The following MAPK8 variants were observed in gnomAD, a reference collection of about 807,000 sequenced individuals.
MAPK8 encodes JUN N-terminal kinase.
In MAPK8, 13 loss-of-function variants were observed where a neutral mutation model predicts 52.9. The ratio of observed to expected loss-of-function variants is 0.25; its 90% CI spans 0.16 to 0.39. MAPK8 has a LOEUF of 0.39. Ranked by LOEUF, MAPK8 falls within the 10% of genes least tolerant of loss-of-function variation. MAPK8 has a pLI of 1.00. For missense variants in MAPK8, 300 were observed against 519.2 expected (o/e 0.58, Z 4.10); for synonymous variants, 191 against 169.8 (o/e 1.12, Z -0.97).
intron 1 of MAPK8, among the ~76,000 whole-genome samples, chr10:48,382,558 C>G (rs1342585218): frequency 6.6e-6 from 1 of 151,780 alleles, no homozygotes; most frequent in Non-Finnish European, 1.5e-5. Flanking sequence ...ATAAATAGAA[C>G]AAGTTCAAGT....
chr10:48,342,619 C>A (rs976003826), intron 1 of MAPK8, among the ~76,000 whole-genome samples: 2 of 152,106 alleles, frequency 1.3e-5, no homozygotes, highest in African/African-American at 4.8e-5. Flanking sequence ...GAAATGTAGT[C>A]GTGTGAATGG....
chr10:48,325,482 T>C (rs985104165), intron 1 of MAPK8, among the ~76,000 whole-genome samples: 2 of 152,244 alleles, frequency 1.3e-5, no homozygotes, highest in Non-Finnish European at 2.9e-5. Flanking sequence ...TTTGTTTTTT[T>C]CAGAAGTTTT....
At chr10:48,416,491 T>C (rs2043071269) in intron 5 of MAPK8, among the ~76,000 whole-genome samples, 2 of 152,188 alleles carry the variant, frequency 1.3e-5, no homozygotes, top group Admixed American at 6.5e-5. Context: ...TTCCACACCT[T>C]CTTAAGGGAA....
Position 48,438,900 on chromosome 10 carries a change from A to G in MAPK8, c.*3871A>G, listed in dbSNP as rs2045073933. On this transcript the variant is annotated 3_prime_UTR_variant, in exon 12 of 12. Coordinates refer to ENST00000374189, the MANE Select transcript of MAPK8 (RefSeq NM_001323329.2). ...CCATTTACATTTTACAAAAGGAGTA[A>G]ATCTTAGTAAAAATTTTACGAAGAA... is the stretch of plus-strand genomic sequence containing the variant. 6.6e-6 allele frequency: 1 copy of G among 152,220 alleles called. No homozygotes were observed. Among genetic ancestry groups the G allele is most frequent in the African/African-American group, 2.4e-5 (1 of 41,458 alleles). The allele number at this position is 152,220 out of a possible 1,614,324, so 9.4% of individuals were successfully genotyped here.
intron 1 of MAPK8, among the ~76,000 whole-genome samples, chr10:48,377,265 G>A (rs1209621321): frequency 7.9e-5 from 12 of 152,038 alleles, no homozygotes; most frequent in African/African-American, 2.9e-4. Context: ...TGTAGATGAC[G>A]TGTTGATGGG....
At chr10:48,426,204 A>G (rs1476420814) in intron 8 of MAPK8, 134 bp downstream of exon 8, 7 of 972,504 alleles carry the variant, frequency 7.2e-6, no homozygotes, top group Non-Finnish European at 1.0e-5. Flanking sequence ...GGGGAAAAAA[A>G]TGAGGTTTTT....
chr10:48,350,725 C>G (rs1416708245), intron 1 of MAPK8, among the ~76,000 whole-genome samples: 4 of 152,204 alleles, frequency 2.6e-5, no homozygotes, highest in Non-Finnish European at 5.9e-5. Flanking sequence ...GATGTCCTCT[C>G]TCACTACTCC....
chr10:48,420,338 T>C lies in MAPK8; in HGVS notation c.616+18T>C. The C allele has an allele frequency of 1.3e-6, 2 of 1,544,222 alleles. No homozygotes were observed. The highest frequency in any genetic ancestry group is 1.8e-6 in the Non-Finnish European group (2 of 1,141,532). ...GGAAAACGGTCAGCACACACATTTA[T>C]TTGAAATATTTTTCTGATTTAGCTT... On this transcript the variant is annotated intron_variant, in intron 6 of 11. Coordinates refer to ENST00000374189, the MANE Select transcript of MAPK8 (RefSeq NM_001323329.2).
At position 48,404,991 on chromosome 10, in the gene MAPK8, C is replaced by T. The variant is rs763551769; in HGVS notation, c.252+10C>T. 3 of 1,589,310 alleles carry T rather than the reference C, an allele frequency of 1.9e-6. No homozygotes were observed. The South Asian group carries it at 3.5e-5, about 18-fold the overall frequency. On this transcript the variant is annotated intron_variant, in intron 3 of 11. Transcript: ENST00000374189. ...TGTTAATCACAAAAATGTAAGTGAACATTTTTGGTTTCCTAAGTATAGATG... is the reference window on the plus strand; with the variant it reads ...TGTTAATCACAAAAATGTAAGTGAATATTTTTGGTTTCCTAAGTATAGATG...
chr10:48,380,002 G>A (rs1042731768), intron 1 of MAPK8, among the ~76,000 whole-genome samples: 1 of 149,120 alleles, frequency 6.7e-6, no homozygotes. Flanking sequence ...CCAGCACTTT[G>A]GGAGGCTGAG....
chr10:48,427,076 T>G lies in MAPK8; in HGVS notation c.997-4T>G. The G allele has an allele frequency of 6.2e-7, 1 of 1,612,494 alleles. No individual in the cohort carries two copies. The highest frequency in any genetic ancestry group is 8.5e-7 in the Non-Finnish European group (1 of 1,178,838). ...CTTGGTTATTATTGCCTTGTGTTTTTCAGCCACCACCAAAGATCCCTGACA... is the reference window on the plus strand; with the variant it reads ...CTTGGTTATTATTGCCTTGTGTTTTGCAGCCACCACCAAAGATCCCTGACA... On this transcript the variant is annotated splice_region_variant and splice_polypyrimidine_tract_variant and intron_variant, in intron 9 of 11. Transcript: ENST00000374189.
intron 3 of MAPK8, among the ~76,000 whole-genome samples, chr10:48,408,648 GTCTT>G (rs1173324594): frequency 6.6e-6 from 1 of 152,118 alleles, no homozygotes. Context: ...ATATGATCAG[GTCTT>G]TCTTTTACCA....
At chr10:48,307,704 T>A (rs753135655) in intron 1 of MAPK8, among the ~76,000 whole-genome samples, 2 of 152,246 alleles carry the variant, frequency 1.3e-5, no homozygotes, top group Non-Finnish European at 2.9e-5. Flanking sequence ...TTTTTACCTC[T>A]GAAATCCAGC....
At chr10:48,377,039 A>T (rs1369028474) in intron 1 of MAPK8, among the ~76,000 whole-genome samples, 1 of 152,196 alleles carries the variant, frequency 6.6e-6, no homozygotes, top group Non-Finnish European at 1.5e-5. Flanking sequence ...CCACAGCCAT[A>T]AAAAGGATGA....
chr10:48,364,989 T>C (rs929680200), intron 1 of MAPK8, among the ~76,000 whole-genome samples: 2 of 152,204 alleles, frequency 1.3e-5, no homozygotes, highest in African/African-American at 4.8e-5. Context: ...TCAGGAATAA[T>C]AACTGAATTA....
intron 1 of MAPK8, among the ~76,000 whole-genome samples, chr10:48,362,200 A>G (rs186335272): frequency 1.5e-3 from 227 of 151,980 alleles, no homozygotes; most frequent in Non-Finnish European, 1.5e-3. Context: ...CTTTCCTCTC[A>G]CTATTCATTC....
At chr10:48,350,579 T>C (rs1846215924) in intron 1 of MAPK8, among the ~76,000 whole-genome samples, 2 of 152,214 alleles carry the variant, frequency 1.3e-5, no homozygotes, top group African/African-American at 2.4e-5. Flanking sequence ...CCCCTCATGC[T>C]AAAAACTCAA....
intron 1 of MAPK8, among the ~76,000 whole-genome samples, chr10:48,338,111 A>G (rs1844872807): frequency 6.6e-6 from 1 of 152,094 alleles, no homozygotes; most frequent in Non-Finnish European, 1.5e-5. Flanking sequence ...AACCAGTATC[A>G]TCCCAATATC....
At chr10:48,316,532 G>T (rs1419651016) in intron 1 of MAPK8, among the ~76,000 whole-genome samples, 1 of 152,200 alleles carries the variant, frequency 6.6e-6, no homozygotes, top group Non-Finnish European at 1.5e-5. Context: ...ATATAATTTA[G>T]TCTGGTGTCA....
Sources: gnomAD v4.1 joint callset for allele counts (sites outside exome capture counted in the v4.1 genomes callset) on GRCh38, gnomAD v4.1.1 for gene constraint, MANE v1.5 for transcripts, NCBI Gene and HGNC (gene_info 2026-07-23, HGNC 2026-07-21) for gene names.